TNFRSF11B: variants seen among roughly 807,000 people sequenced by gnomAD.
The protein encoded by TNFRSF11B is tumor necrosis factor receptor superfamily member 11B.
TNFRSF11B carries 16 observed loss-of-function variants against 43.4 expected under a neutral mutation model. That is an observed-to-expected ratio of 0.37 (90% CI 0.25 to 0.56). The LOEUF (loss-of-function observed/expected upper bound fraction) is 0.56, where lower values mean the gene tolerates loss of function less well. TNFRSF11B is among the 20% of genes least tolerant of loss of function. The pLI is 0.80. For synonymous variants in TNFRSF11B, 185 were observed against 181.8 expected (o/e 1.02, Z -0.14); for missense variants, 444 against 490.1 (o/e 0.91, Z 0.89).
chr8:118,932,136 G>A (rs1291356083), intron 2 of TNFRSF11B, among the ~76,000 whole-genome samples: 3 of 152,208 alleles, frequency 2.0e-5, no homozygotes, highest in Admixed American at 2.0e-4. Context: ...ATCTAAGTAA[G>A]TGGATACTCT....
At chr8:118,929,884 G>A (rs557984548) in intron 2 of TNFRSF11B, among the ~76,000 whole-genome samples, 5 of 152,212 alleles carry the variant, frequency 3.3e-5, no homozygotes, top group Admixed American at 2.0e-4. Flanking sequence ...TAACAAATAT[G>A]AAAGAGAAAA....
At chr8:118,932,535 C>T (rs567790480) in intron 2 of TNFRSF11B, among the ~76,000 whole-genome samples, 2 of 152,108 alleles carry the variant, frequency 1.3e-5, no homozygotes, top group East Asian at 1.9e-4. Context: ...AGCATAATTA[C>T]TCTCTTGGTA....
At chr8:118,939,080 T>C (rs918311971) in intron 1 of TNFRSF11B, among the ~76,000 whole-genome samples, 11 of 152,170 alleles carry the variant, frequency 7.2e-5, no homozygotes, top group Admixed American at 1.3e-4. Context: ...TTTAAAACCA[T>C]GTCAGTTTAC....
At chr8:118,942,242 CCCCG>C (rs1337903022) in intron 1 of TNFRSF11B, among the ~76,000 whole-genome samples, 1 of 130,012 alleles carries the variant, frequency 7.7e-6, no homozygotes, top group East Asian at 2.7e-4. Flanking sequence ...TGACAGGCCC[CCCCG>C]TGTGTGATGT....
intron 1 of TNFRSF11B, among the ~76,000 whole-genome samples, chr8:118,934,024 G>A (rs1252543791): frequency 6.6e-6 from 1 of 152,166 alleles, no homozygotes; most frequent in Non-Finnish European, 1.5e-5. Flanking sequence ...AGCAGGTAAA[G>A]AAGCCTGGAA....
intron 1 of TNFRSF11B, among the ~76,000 whole-genome samples, chr8:118,950,998 G>T (rs11573811): frequency 6.6e-6 from 1 of 151,938 alleles, no homozygotes; most frequent in Non-Finnish European, 1.5e-5. Context: ...ATAAGTCATT[G>T]GTCATAGAAA....
rs149720389 is a variant in TNFRSF11B at position 118,924,478 on chromosome 8, T to C, written c.1102A>G (p.Thr368Ala). ...PKTVTQSLKK[T>A]IRFLHSFTMY... Reference sequence around the variant, plus strand: ...GTGAAGCTGTGAAGGAACCTGATGGTCTTCTTTAGACTCTGAGTGACAGTT... The same window carrying C: ...GTGAAGCTGTGAAGGAACCTGATGGCCTTCTTTAGACTCTGAGTGACAGTT... Residue 368 changes from threonine to alanine, a missense_variant, in exon 5 of 5, where the codon ACC becomes GCC. Transcript: ENST00000297350. 6.8e-6 allele frequency: 11 copies of C among 1,614,018 alleles called. No homozygotes were observed. The highest frequency in any genetic ancestry group is 7.6e-6 in the Non-Finnish European group (9 of 1,179,910).
chr8:118,932,677 C>A (rs199702194), intron 2 of TNFRSF11B, among the ~76,000 whole-genome samples: 109 of 133,548 alleles, frequency 8.2e-4, no homozygotes, highest in African/African-American at 2.6e-3. Context: ...AAAAAAAAAA[C>A]CATCATGCAT....
At chr8:118,929,103 A>G in intron 2 of TNFRSF11B, 174 bp from the exon 3 acceptor site, 1 of 637,266 alleles carries the variant, frequency 1.6e-6, no homozygotes, top group Non-Finnish European at 2.7e-6. Flanking sequence ...AACTTCCACC[A>G]TCATCCCCTT....
chr8:118,945,670 A>C (rs1586960544), intron 1 of TNFRSF11B, among the ~76,000 whole-genome samples: 1 of 152,112 alleles, frequency 6.6e-6, no homozygotes, highest in East Asian at 1.9e-4. Flanking sequence ...TTTTTAAGGA[A>C]TAGAGTGCTG....
rs184799075 is a variant in TNFRSF11B at position 118,932,865 on chromosome 8, C to A, written c.400+66G>T. 243 of 1,605,536 alleles carry A rather than the reference C, an allele frequency of 1.5e-4. No homozygotes were observed. In the East Asian group the frequency reaches 4.8e-3, roughly 32 times the overall value. ...AATGTCATCAGAACAAAAGTGTTCTCCTAAACTGTCACAACTATCTGACTT... is the reference window on the plus strand; with the variant it reads ...AATGTCATCAGAACAAAAGTGTTCTACTAAACTGTCACAACTATCTGACTT... On this transcript the variant is annotated intron_variant, in intron 2 of 4. Coordinates refer to ENST00000297350, the MANE Select transcript of TNFRSF11B (RefSeq NM_002546.4).
chr8:118,939,444 A>G (rs1255587877), intron 1 of TNFRSF11B, among the ~76,000 whole-genome samples: 1 of 152,212 alleles, frequency 6.6e-6, no homozygotes, highest in East Asian at 1.9e-4. Flanking sequence ...AGAGCAAGAA[A>G]AGACTCAATA....
chr8:118,937,484 T>A (rs1299027241), intron 1 of TNFRSF11B, among the ~76,000 whole-genome samples: 1 of 152,240 alleles, frequency 6.6e-6, no homozygotes, highest in African/African-American at 2.4e-5. Context: ...AGCTCATGTT[T>A]GATCCTACCA....
chr8:118,932,207 A>G (rs1586955483), intron 2 of TNFRSF11B, among the ~76,000 whole-genome samples: 1 of 152,368 alleles, frequency 6.6e-6, no homozygotes, highest in Non-Finnish European at 1.5e-5. Flanking sequence ...TGTGGCAGAA[A>G]AAAACGTGGG....
intron 1 of TNFRSF11B, among the ~76,000 whole-genome samples, chr8:118,943,964 CAGAAG>C (rs1237533815): frequency 6.6e-6 from 1 of 152,148 alleles, no homozygotes; most frequent in Non-Finnish European, 1.5e-5. Context: ...CAGCAGAAGA[CAGAAG>C]AGATCCTTCT....
At chr8:118,943,639 G>C (rs1340611346) in intron 1 of TNFRSF11B, among the ~76,000 whole-genome samples, 1 of 152,050 alleles carries the variant, frequency 6.6e-6, no homozygotes, top group Non-Finnish European at 1.5e-5. Context: ...TGCATCATAG[G>C]CTTTTTGTGA....
intron 1 of TNFRSF11B, among the ~76,000 whole-genome samples, chr8:118,936,480 G>A (rs1393310498): frequency 6.6e-6 from 1 of 152,060 alleles, no homozygotes; most frequent in Admixed American, 6.6e-5. Context: ...GACAGAGGAT[G>A]GGCAAGATTA....
rs1281628212 is a variant in TNFRSF11B, at chr8:118,933,038, T to C, written c.293A>G (p.Asn98Ser). The change falls in exon 2 of 5, where the codon AAT becomes AGT. Residue 98 changes from asparagine (N) to serine (S), a missense_variant. Physicochemically the swap from Asn to Ser is conservative, Grantham distance 46. Transcript: ENST00000297350. ...TTCGCACACGCGGTTGTGGGTGCGATTGCACTCCTGCTTGACGTACTGCAG... is the reference window on the plus strand; with the variant it reads ...TTCGCACACGCGGTTGTGGGTGCGACTGCACTCCTGCTTGACGTACTGCAG... ...KELQYVKQEC[N>S]RTHNRVCECK... 5.6e-6 allele frequency: 9 copies of C among 1,614,018 alleles called. No individual in the cohort carries two copies. The highest frequency in any genetic ancestry group is 2.2e-5 in the South Asian group (2 of 91,092).
intron 1 of TNFRSF11B, among the ~76,000 whole-genome samples, chr8:118,934,808 C>T (rs1479620799): frequency 1.3e-5 from 2 of 152,160 alleles, no homozygotes; most frequent in African/African-American, 4.8e-5. Flanking sequence ...CTCACAGGAA[C>T]CCCCTGACCT....
Sources: allele counts gnomAD v4.1 joint callset (sites outside exome capture counted in the v4.1 genomes callset), GRCh38; gene constraint gnomAD v4.1.1; transcripts MANE v1.5; gene names NCBI Gene and HGNC (gene_info 2026-07-23, HGNC 2026-07-21).